Variants in HS6ST2 observed in about 807,000 individuals in gnomAD.
HS6ST2 encodes heparan sulfate 6-O-sulfotransferase 2.
HS6ST2 carries 17 observed loss-of-function variants against 33.0 expected under a neutral mutation model. That is an observed-to-expected ratio of 0.52 (90% CI 0.35 to 0.77). The LOEUF is 0.77. HS6ST2 is among the 30% of genes least tolerant of loss of function. The probability of loss-of-function intolerance (pLI) is 0.01; values close to 1 mark genes in which losing one functional copy is unlikely to be tolerated. For missense variants in HS6ST2, 519 were observed against 551.7 expected (o/e 0.94, Z 0.59); for synonymous variants, 248 against 237.1 (o/e 1.05, Z -0.42).
intron 3 of HS6ST2, among the ~76,000 whole-genome samples, chrX:132,685,494 G>A (rs1254807618): frequency 1.8e-5 from 2 of 111,547 alleles, no homozygotes; most frequent in African/African-American, 6.5e-5. Flanking sequence ...GCAAGCGCAC[G>A]AGGGCCTGTG....
chrX:132,942,468 T>C (rs1257612886), intron 2 of HS6ST2, among the ~76,000 whole-genome samples: 4 of 112,406 alleles, frequency 3.6e-5, no homozygotes, highest in African/African-American at 1.3e-4. Flanking sequence ...ATGGCACTTT[T>C]CTAAAGCTGC....
intron 2 of HS6ST2, among the ~76,000 whole-genome samples, chrX:132,937,903 C>T (rs1028971379): frequency 5.4e-5 from 6 of 110,827 alleles, no homozygotes; most frequent in Non-Finnish European, 1.1e-4. Context: ...TGACTCACAC[C>T]TGTAATCCCA....
At chrX:132,873,828 T>A (rs2066086091) in intron 2 of HS6ST2, among the ~76,000 whole-genome samples, 1 of 111,133 alleles carries the variant, frequency 9.0e-6, no homozygotes, top group Non-Finnish European at 1.9e-5. Context: ...AGATATGGGA[T>A]CTGGAGAGGA....
chrX:132,869,850 C>T (rs905583006), intron 2 of HS6ST2, among the ~76,000 whole-genome samples: 4 of 111,729 alleles, frequency 3.6e-5, no homozygotes, highest in Non-Finnish European at 7.5e-5. Flanking sequence ...CCTCTGAAAA[C>T]TGGCACAAGA....
At chrX:132,909,791 G>C (rs1267353708) in intron 2 of HS6ST2, among the ~76,000 whole-genome samples, 1 of 110,934 alleles carries the variant, frequency 9.0e-6, no homozygotes, top group Non-Finnish European at 1.9e-5. Context: ...CATTTCAAAG[G>C]CAAAAAATGT....
chrX:132,802,101 A>C (rs973676647), intron 2 of HS6ST2, among the ~76,000 whole-genome samples: 1 of 112,140 alleles, frequency 8.9e-6, no homozygotes, highest in Non-Finnish European at 1.9e-5. Context: ...CATATAATTA[A>C]ATATATCAAC....
At chrX:132,901,661 T>C (rs1275760516) in intron 2 of HS6ST2, among the ~76,000 whole-genome samples, 1 of 111,472 alleles carries the variant, frequency 9.0e-6, no homozygotes, top group African/African-American at 3.3e-5. Flanking sequence ...TACCCAAATA[T>C]CCTATGCCTT....
At chrX:132,650,883 G>T (rs1466840994) in intron 4 of HS6ST2, among the ~76,000 whole-genome samples, 1 of 110,290 alleles carries the variant, frequency 9.1e-6, no homozygotes, top group Non-Finnish European at 1.9e-5. Context: ...TTGCATCTTA[G>T]CTTCCCAAGT....
In HS6ST2 at chrX:132,812,444, T is replaced by TAATAAA. The variant is rs1434253178; in HGVS notation, c.948-103951_948-103950insTTTATT. The stretch of plus-strand genomic sequence containing the variant: ...ATAATAATAATAATAATAATAATAA[T>TAATAAA]AAAATAATAATAATAATGGCCATCC... On this transcript the variant is annotated intron_variant, in intron 2 of 4. Transcript: ENST00000370833. 9.8e-4 allele frequency among the ~76,000 whole-genome samples: 95 copies of TAATAAA among 96,886 alleles called. 1 individual carries two copies. Among genetic ancestry groups the TAATAAA allele is most frequent in the Middle Eastern group, 5.5e-3 (1 of 182 alleles). The allele number at this position is 96,886 out of a possible 115,157, so 84.1% of individuals were successfully genotyped here.
chrX:132,904,561 A>G (rs868085937), intron 2 of HS6ST2, among the ~76,000 whole-genome samples: 4 of 88,714 alleles, frequency 4.5e-5, no homozygotes, highest in Admixed American at 2.4e-4. Flanking sequence ...GTGTGTGTGT[A>G]TAGAGACAGG....
At chrX:132,772,283 C>T (rs1316548741) in intron 2 of HS6ST2, among the ~76,000 whole-genome samples, 2 of 110,652 alleles carry the variant, frequency 1.8e-5, no homozygotes, top group Admixed American at 9.8e-5. Flanking sequence ...TTTTCCATGC[C>T]GTCTCAAGGC....
At chrX:132,774,332 G>A (rs758260990) in intron 2 of HS6ST2, among the ~76,000 whole-genome samples, 31 of 112,527 alleles carry the variant, frequency 2.8e-4, no homozygotes, top group Non-Finnish European at 5.1e-4. Context: ...TTATAAAACA[G>A]TGCTATTTGC....
intron 4 of HS6ST2, among the ~76,000 whole-genome samples, chrX:132,666,902 G>T (rs2063814174): frequency 9.0e-6 from 1 of 110,848 alleles, no homozygotes; most frequent in Non-Finnish European, 1.9e-5. Context: ...TACACCATGG[G>T]GAAAAGCCTT....
intron 2 of HS6ST2, among the ~76,000 whole-genome samples, chrX:132,932,102 C>T (rs1218010303): frequency 9.3e-6 from 1 of 107,247 alleles, no homozygotes; most frequent in Non-Finnish European, 1.9e-5. Context: ...AGGAGAATGG[C>T]GTGAACCCGG....
chrX:132,666,091 G>C (rs755334226), intron 4 of HS6ST2, among the ~76,000 whole-genome samples: 6 of 112,036 alleles, frequency 5.4e-5, no homozygotes, highest in Non-Finnish European at 1.1e-4. Flanking sequence ...AACGTGTTCT[G>C]ACCAAGACAC....
chrX:132,768,374 T>C (rs1027101800), intron 2 of HS6ST2, among the ~76,000 whole-genome samples: 1 of 107,615 alleles, frequency 9.3e-6, no homozygotes, highest in African/African-American at 3.4e-5. Context: ...GAGTGGGATC[T>C]ACCTAGTAAA....
At chrX:132,810,654 C>A (rs7884763) in intron 2 of HS6ST2, among the ~76,000 whole-genome samples, 39,892 of 109,678 alleles carry the variant, frequency 0.36, 5,822 homozygotes, top group African/African-American at 0.5. Context: ...GCCAATAGGA[C>A]GTTAGCAAAT....
At chrX:132,691,252 C>T (rs1449832738) in intron 3 of HS6ST2, among the ~76,000 whole-genome samples, 1 of 111,622 alleles carries the variant, frequency 9.0e-6, no homozygotes, top group African/African-American at 3.3e-5. Flanking sequence ...TTGGGCAGAC[C>T]CTTAAGGGCT....
chrX:132,634,822 A>T (rs1483373420), intron 4 of HS6ST2, among the ~76,000 whole-genome samples: 1 of 111,426 alleles, frequency 9.0e-6, no homozygotes, highest in East Asian at 2.8e-4. Flanking sequence ...GCTTTGCTAA[A>T]TGAGTCACAT....
Sources: allele counts gnomAD v4.1 joint callset (sites outside exome capture counted in the v4.1 genomes callset), GRCh38; gene constraint gnomAD v4.1.1; transcripts MANE v1.5; gene names NCBI Gene and HGNC (gene_info 2026-07-23, HGNC 2026-07-21).